TPST1: variants seen among roughly 807,000 people sequenced by gnomAD.
TPST1 encodes the protein protein-tyrosine sulfotransferase 1.
Under a neutral mutation model 34.8 loss-of-function variants are expected in TPST1, and 20 were observed. That is an observed-to-expected ratio of 0.57 (90% confidence interval 0.40 to 0.84). The LOEUF is 0.84. Ranked by LOEUF, TPST1 falls within the 40% of genes least tolerant of loss-of-function variation. TPST1 has a pLI of 0.00. For missense variants in TPST1, 353 were observed against 455.5 expected, an observed-to-expected ratio of 0.78 and a Z score of 2.05; for synonymous variants, 152 against 159.4, an observed-to-expected ratio of 0.95 and a Z score of 0.35.
chr7:66,308,762 C>A (rs1370599875), intron 3 of TPST1, among the ~76,000 whole-genome samples: 2 of 152,108 alleles, frequency 1.3e-5, no homozygotes, highest in Non-Finnish European at 2.9e-5. Context: ...GTTGTTGCCC[C>A]CTTCACCAAT....
chr7:66,343,722 C>A lies in TPST1; in HGVS notation c.1045-8783C>A, dbSNP rs184956625. Among the ~76,000 whole-genome samples, 5 of 152,290 alleles carry A rather than the reference C, an allele frequency of 3.3e-5. No homozygotes were observed. In the East Asian group the frequency reaches 9.6e-4, roughly 29 times the overall value. On this transcript the variant is annotated intron_variant, in intron 3 of 5. Coordinates refer to ENST00000304842, the MANE Select transcript of TPST1 (RefSeq NM_003596.4). ...CATGTCTGCTTTCAACAAAAACTTA[C>A]AAGACATGCTAAAAGGCAAAAATCA...
intron 4 of TPST1, among the ~76,000 whole-genome samples, chr7:66,353,789 C>T (rs761083790): frequency 4.6e-5 from 7 of 152,184 alleles, no homozygotes; most frequent in South Asian, 2.1e-4. Context: ...TTTCTGAAAG[C>T]GTTCCAGATA....
intron 2 of TPST1, among the ~76,000 whole-genome samples, chr7:66,262,471 A>G (rs889008419): frequency 1.2e-4 from 18 of 152,136 alleles, no homozygotes; most frequent in African/African-American, 4.3e-4. Context: ...CCACATTTTC[A>G]TTAAGGGTCA....
intron 1 of TPST1, among the ~76,000 whole-genome samples, chr7:66,233,657 G>T (rs1482820744): frequency 6.6e-6 from 1 of 152,084 alleles, no homozygotes; most frequent in African/African-American, 2.4e-5. Flanking sequence ...AGATTGTTTT[G>T]GCTAGAATGA....
intron 3 of TPST1, among the ~76,000 whole-genome samples, chr7:66,313,270 C>T (rs1791568199): frequency 6.6e-6 from 1 of 152,090 alleles, no homozygotes; most frequent in Middle Eastern, 3.4e-3. Context: ...AAAAAATTAG[C>T]TGGGTGTGGT....
chr7:66,225,835 C>T (rs528023343), intron 1 of TPST1, among the ~76,000 whole-genome samples: 2 of 152,252 alleles, frequency 1.3e-5, no homozygotes, highest in South Asian at 2.1e-4. Flanking sequence ...ACTATAGTCT[C>T]TTATCTAGAA....
chr7:66,207,141 A>G (rs776360558), intron 1 of TPST1, among the ~76,000 whole-genome samples: 4 of 152,194 alleles, frequency 2.6e-5, no homozygotes, highest in Middle Eastern at 3.2e-3. Context: ...CAAAAATCAT[A>G]TAACTAAACT....
chr7:66,204,404 C>T (rs1411895643), upstream of TPST1, among the ~76,000 whole-genome samples: 1 of 152,120 alleles, frequency 6.6e-6, no homozygotes, highest in Non-Finnish European at 1.5e-5. Flanking sequence ...TTAGCAGGGA[C>T]GGGGTTTCAC....
Position 66,240,708 on chromosome 7 carries a change from A to G in TPST1, c.283A>G (p.Ile95Val). 2 of 1,614,184 alleles carry G rather than the reference A, an allele frequency of 1.2e-6. No individual in the cohort carries two copies. Among genetic ancestry groups the G allele is most frequent in the Non-Finnish European group, 8.5e-7 (1 of 1,180,042 alleles). The change falls in exon 2 of 6, where the codon ATT (isoleucine) becomes GTT (valine). Residue 95 changes from isoleucine (I) to valine (V), a missense_variant. Coordinates refer to ENST00000304842, the MANE Select transcript of TPST1 (RefSeq NM_003596.4). Reference sequence around the variant, plus strand: ...GGCCATGCTGGACGCACATCCTGACATTCGCTGTGGAGAGGAAACCAGGGT... The same window carrying G: ...GGCCATGCTGGACGCACATCCTGACGTTCGCTGTGGAGAGGAAACCAGGGT... ...MRAMLDAHPD[I>V]RCGEETRVIP...
chr7:66,202,472 C>T (rs1217865703), upstream of TPST1, among the ~76,000 whole-genome samples: 1 of 152,164 alleles, frequency 6.6e-6, no homozygotes, highest in East Asian at 1.9e-4. Context: ...GGACCAGTGT[C>T]AGCTCCCTAT....
At chr7:66,308,989 TC>T (rs1226546667) in intron 3 of TPST1, among the ~76,000 whole-genome samples, 3 of 152,152 alleles carry the variant, frequency 2.0e-5, no homozygotes, top group Non-Finnish European at 1.5e-5. Context: ...ACCTCTGCCT[TC>T]CGGGTTCAAG....
At chr7:66,299,178 T>G (rs187116718) in intron 3 of TPST1, among the ~76,000 whole-genome samples, 39 of 152,046 alleles carry the variant, frequency 2.6e-4, no homozygotes, top group African/African-American at 8.9e-4. Context: ...TGGGCCACAG[T>G]TGGGCTCTTT....
chr7:66,271,023 G>A (rs1227987193), intron 2 of TPST1, among the ~76,000 whole-genome samples: 2 of 152,132 alleles, frequency 1.3e-5, no homozygotes, highest in Non-Finnish European at 2.9e-5. Flanking sequence ...TATACAAAAA[G>A]CATAATAAAT....
At chr7:66,328,675 G>A in intron 3 of TPST1, among the ~76,000 whole-genome samples, 1 of 151,182 alleles carries the variant, frequency 6.6e-6, no homozygotes, top group African/African-American at 2.4e-5. Flanking sequence ...CTCCTGAGAA[G>A]TTGGGACTAT....
At chr7:66,326,330 C>G (rs1418158641) in intron 3 of TPST1, among the ~76,000 whole-genome samples, 1 of 152,090 alleles carries the variant, frequency 6.6e-6, no homozygotes, top group Non-Finnish European at 1.5e-5. Context: ...TCAGAATGCC[C>G]TGTGAGCTCA....
intron 2 of TPST1, among the ~76,000 whole-genome samples, chr7:66,273,449 A>G (rs1338303961): frequency 2.0e-5 from 3 of 152,244 alleles, no homozygotes; most frequent in African/African-American, 7.2e-5. Context: ...TAGAACTACA[A>G]AAAGCCCCAA....
intron 2 of TPST1, among the ~76,000 whole-genome samples, chr7:66,265,867 AGCCCAGC>A (rs1790583356): frequency 6.6e-6 from 1 of 152,214 alleles, no homozygotes; most frequent in African/African-American, 2.4e-5. Flanking sequence ...GAAAGGAAAA[AGCCCAGC>A]AAAAACTACC....
At chr7:66,326,812 A>G (rs754135069) in intron 3 of TPST1, among the ~76,000 whole-genome samples, 7 of 152,246 alleles carry the variant, frequency 4.6e-5, no homozygotes, top group Non-Finnish European at 1.0e-4. Flanking sequence ...CTGTTGGAAT[A>G]GAAAGAATAT....
intron 3 of TPST1, among the ~76,000 whole-genome samples, chr7:66,313,954 T>A (rs1197401776): frequency 6.6e-6 from 1 of 152,204 alleles, no homozygotes; most frequent in East Asian, 1.9e-4. Context: ...GTTTCTCAGA[T>A]GCTCTCTGTC....
Sources: allele counts gnomAD v4.1 joint callset (sites outside exome capture counted in the v4.1 genomes callset), GRCh38; gene constraint gnomAD v4.1.1; transcripts MANE v1.5; gene names NCBI Gene and HGNC (gene_info 2026-07-23, HGNC 2026-07-21).